GCNA: variants seen among roughly 807,000 people sequenced by gnomAD.
The protein encoded by GCNA is germ cell nuclear acidic protein.
Under a neutral mutation model 38.8 loss-of-function variants are expected in GCNA, and 3 were observed. The observed-to-expected ratio is 0.08, with a 90% CI of 0.04 to 0.20. The LOEUF is 0.20. Among genes scored for constraint, GCNA ranks in the 10% least tolerant of loss-of-function variants. The pLI is 1.00. For synonymous variants in GCNA, 195 were observed against 240.2 expected, an observed-to-expected ratio of 0.81 and a Z score of 1.74; for missense variants, 446 against 578.6, an observed-to-expected ratio of 0.77 and a Z score of 2.35.
chrX:71,584,162 TTGAG>T (rs1045357897), intron 2 of GCNA, among the ~76,000 whole-genome samples: 2 of 111,345 alleles, frequency 1.8e-5, no homozygotes, highest in Admixed American at 9.6e-5. Context: ...ATACTGTTGA[TTGAG>T]TAATTTGATT....
chrX:71,601,066 A>C (rs1485832660), intron 7 of GCNA, among the ~76,000 whole-genome samples: 1 of 111,909 alleles, frequency 8.9e-6, no homozygotes, highest in East Asian at 2.8e-4. Context: ...AAATGAGAAC[A>C]TGCGTGTGGT....
chrX:71,598,085 TCATCA>T (rs1232423274), intron 7 of GCNA, 47 bp downstream of exon 7: 4 of 959,107 alleles, frequency 4.2e-6, no homozygotes, highest in Non-Finnish European at 5.9e-6. Flanking sequence ...CTCCAAAGCC[TCATCA>T]CACGTGGTAC....
At chrX:71,584,853 G>T (rs1453591524) in intron 2 of GCNA, among the ~76,000 whole-genome samples, 1 of 111,197 alleles carries the variant, frequency 9.0e-6, no homozygotes, top group African/African-American at 3.3e-5. Context: ...GGGTGACAGA[G>T]TGAGACTCCA....
At chrX:71,609,195 G>A in intron 10 of GCNA, 78 bp downstream of exon 10, 1 of 1,008,187 alleles carries the variant, frequency 9.9e-7, no homozygotes, top group East Asian at 3.2e-5. Flanking sequence ...TGCTAACCAT[G>A]TATACTTCCT....
In GCNA at chrX:71,604,670, A is replaced by G. The variant is rs2040754476; in HGVS notation, c.1393A>G (p.Thr465Ala). 2 of 1,208,868 alleles carry G rather than the reference A, an allele frequency of 1.7e-6. No homozygotes were observed. The highest frequency in any genetic ancestry group is 1.1e-6 in the Non-Finnish European group (1 of 894,400). Reference protein sequence around the residue: ...RKAKTKNVSVTPGHKKRGPSK... With the variant: ...RKAKTKNVSVAPGHKKRGPSK... ...GGCGAAAACCAAAAATGTATCTGTG[A>G]CACCTGGTAAGCCAGTCATGCCAAG... Residue 465 changes from threonine (T) to alanine (A), a missense_variant, in exon 8 of 13, where the codon ACA becomes GCA. Physicochemically the swap from Thr to Ala is moderately conservative, Grantham distance 58. Transcript: ENST00000373696.
chrX:71,604,989 G>A (rs2040757467), intron 8 of GCNA, among the ~76,000 whole-genome samples: 2 of 112,112 alleles, frequency 1.8e-5, no homozygotes, highest in Admixed American at 1.9e-4. Flanking sequence ...GAAGCCGTGA[G>A]TCAGGGTGGC....
chrX:71,579,785 G>C (rs1450366535), intron 1 of GCNA, among the ~76,000 whole-genome samples: 2 of 107,278 alleles, frequency 1.9e-5, no homozygotes, highest in Non-Finnish European at 3.9e-5. Flanking sequence ...GTGCGAGTGT[G>C]GGGGAAGGGT....
intron 2 of GCNA, among the ~76,000 whole-genome samples, chrX:71,589,897 C>T (rs2040614095): frequency 9.1e-6 from 1 of 110,142 alleles, no homozygotes; most frequent in African/African-American, 3.3e-5. Flanking sequence ...ACTGCAGCCC[C>T]GACCTCTCGG....
At chrX:71,610,940 G>A in intron 11 of GCNA, 121 bp downstream of exon 11, 1 of 992,221 alleles carries the variant, frequency 1.0e-6, no homozygotes, top group East Asian at 3.2e-5. Flanking sequence ...GGGTGGGCAG[G>A]CATGCTGTGT....
rs143483517 is a variant in GCNA at position 71,609,084 on chromosome X, C to T, written c.1578C>T (p.Tyr526=). ...RNKDELVQRI[Y]DLFNRSVCDK... The stretch of plus-strand genomic sequence containing the variant: ...AGGATGAATTGGTTCAGAGAATCTA[C>T]GACCTGTTTAACAGATCCGTCTGTG... Residue 526 remains tyrosine, a synonymous_variant, in exon 10 of 13, where the codon TAC becomes TAT. Coordinates refer to ENST00000373696, the MANE Select transcript of GCNA (RefSeq NM_052957.5). 1.3e-3 allele frequency: 1,603 copies of T among 1,209,402 alleles called. 6 individuals carry two copies. Among genetic ancestry groups the T allele is most frequent in the Middle Eastern group, 5.8e-3 (25 of 4,328 alleles).
intron 10 of GCNA, among the ~76,000 whole-genome samples, chrX:71,610,455 T>A (rs990465067): frequency 9.0e-6 from 1 of 111,058 alleles, no homozygotes; most frequent in Admixed American, 9.6e-5. Context: ...CTCTACTAAA[T>A]ACGAAAAATT....
chrX:71,585,657 C>T (rs1320177136), intron 2 of GCNA, among the ~76,000 whole-genome samples: 1 of 110,372 alleles, frequency 9.1e-6, no homozygotes, highest in Non-Finnish European at 1.9e-5. Context: ...TTGATCTGAG[C>T]ATTGTATTTT....
chrX:71,599,006 A>T (rs1306117228), intron 7 of GCNA, among the ~76,000 whole-genome samples: 4 of 108,280 alleles, frequency 3.7e-5, no homozygotes, highest in Non-Finnish European at 5.7e-5. Context: ...ATGCCCAGCT[A>T]ATTTTTTTTG....
intron 7 of GCNA, among the ~76,000 whole-genome samples, chrX:71,600,449 G>GA (rs1253735657): frequency 9.0e-6 from 1 of 111,665 alleles, no homozygotes; most frequent in Admixed American, 9.5e-5. Flanking sequence ...CTTGATGGGA[G>GA]AAAAAATACC....
chrX:71,589,224 A>T (rs1019212792), intron 2 of GCNA, among the ~76,000 whole-genome samples: 1 of 108,071 alleles, frequency 9.3e-6, no homozygotes, highest in African/African-American at 3.4e-5. Context: ...GTTATTTCTT[A>T]GTCCTTTCAT....
chrX:71,582,663 A>T (rs1279998851), intron 2 of GCNA, among the ~76,000 whole-genome samples: 2 of 111,975 alleles, frequency 1.8e-5, no homozygotes, highest in Non-Finnish European at 3.8e-5. Context: ...TTGTACTCCC[A>T]TATACATGAG....
rs772598641 is a variant in GCNA at position 71,588,832 on chromosome X, TAAATA to T, written c.60-3269_60-3265del. The stretch of plus-strand genomic sequence containing the variant: ...ACAGAGCGAGACTCTGTCTCATAAA[TAAATA>T]AAATAAAATAAAATAAAATAGATCT... On this transcript the variant is annotated intron_variant, in intron 2 of 12. Coordinates refer to ENST00000373696, the MANE Select transcript of GCNA (RefSeq NM_052957.5). 3.6e-3 allele frequency among the ~76,000 whole-genome samples: 397 copies of T among 109,657 alleles called. 1 individual carries two copies. The highest frequency in any genetic ancestry group is 5.5e-3 in the Admixed American group (56 of 10,220).
At chrX:71,589,450 CTTTTTTTTTTTTTTTTTTTTT>C (rs371046758) in intron 2 of GCNA, among the ~76,000 whole-genome samples, 3 of 37,670 alleles carry the variant, frequency 8.0e-5, no homozygotes, top group Admixed American at 4.2e-4. Flanking sequence ...CATATATTTC[CTTTTTTTTTTTTTTTTTTTTT>C]TTTTTTTTTT....
rs777042623 is a variant in GCNA at position 71,585,035 on chromosome X, G to A, written c.59+4155G>A. On this transcript the variant is annotated intron_variant, in intron 2 of 12. Coordinates refer to ENST00000373696, the MANE Select transcript of GCNA (RefSeq NM_052957.5). ...GATCAAAAATGCAAAAGGTGGCCGA[G>A]CCCAGTGGCTCACACCTGTAATCCC... Among the ~76,000 whole-genome samples, 5 of 110,220 alleles carry A rather than the reference G, an allele frequency of 4.5e-5. No individual in the cohort carries two copies. In the South Asian group the frequency reaches 1.6e-3, roughly 35 times the overall value.
Sources: gnomAD v4.1 joint callset for allele counts (sites outside exome capture counted in the v4.1 genomes callset) on GRCh38, gnomAD v4.1.1 for gene constraint, MANE v1.5 for transcripts, NCBI Gene and HGNC (gene_info 2026-07-23, HGNC 2026-07-21) for gene names.